TMEM117: variants seen among roughly 807,000 people sequenced by gnomAD.
TMEM117 encodes the protein transmembrane protein 117.
TMEM117 carries 27 observed loss-of-function variants against 52.4 expected under a neutral mutation model. That is an observed-to-expected ratio of 0.51 (90% CI 0.38 to 0.71). The LOEUF (loss-of-function observed/expected upper bound fraction) is 0.71. TMEM117 is among the 30% of genes least tolerant of loss of function. The probability of loss-of-function intolerance (pLI) is 0.00; values close to 1 mark genes in which losing one functional copy is unlikely to be tolerated. For missense variants in TMEM117, 556 were observed against 630.5 expected, an observed-to-expected ratio of 0.88 and a Z score of 1.26; for synonymous variants, 215 against 206.3, an observed-to-expected ratio of 1.04 and a Z score of -0.36.
intron 4 of TMEM117, among the ~76,000 whole-genome samples, chr12:44,178,260 T>C (rs542629815): frequency 4.6e-5 from 7 of 152,344 alleles, no homozygotes; most frequent in Admixed American, 2.0e-4. Flanking sequence ...CAACTAAACT[T>C]TGTCATATAA....
the TMEM117 span, among the ~76,000 whole-genome samples, chr12:43,814,808 T>C: frequency 6.9e-6 from 1 of 145,788 alleles, no homozygotes; most frequent in South Asian, 2.2e-4. Flanking sequence ...GGAATGGCAC[T>C]ATCTTGGCTC....
the TMEM117 span, among the ~76,000 whole-genome samples, chr12:43,814,624 G>C: frequency 6.6e-6 from 1 of 151,948 alleles, no homozygotes; most frequent in Non-Finnish European, 1.5e-5. Flanking sequence ...AACATTTATT[G>C]AGCACTGCAG....
rs532378204 is a variant in TMEM117 at position 43,945,414 on chromosome 12, G to A, written c.410+1072G>A. Among the ~76,000 whole-genome samples the A allele has an allele frequency of 5.9e-5, 9 of 152,174 alleles. No homozygotes were observed. The South Asian group carries it at 8.3e-4, about 14-fold the overall frequency. ...TCACTCACTGCAACCTCTGCCTCCC[G>A]GGTTCCAGCAATTCTCCTTCCTCAG... On this transcript the variant is annotated intron_variant, in intron 3 of 7. Coordinates refer to ENST00000266534, the MANE Select transcript of TMEM117 (RefSeq NM_032256.3).
intron 5 of TMEM117, among the ~76,000 whole-genome samples, chr12:44,283,328 C>T (rs1002168556): frequency 6.6e-6 from 1 of 152,158 alleles, no homozygotes; most frequent in East Asian, 1.9e-4. Context: ...GGAAAAGCCA[C>T]AAACACTGAA....
chr12:44,368,854 G>A (rs894919291), intron 6 of TMEM117, among the ~76,000 whole-genome samples: 17 of 151,976 alleles, frequency 1.1e-4, no homozygotes, highest in South Asian at 6.2e-4. Context: ...GGAGGAACAT[G>A]CATTTGAGTA....
upstream of TMEM117, among the ~76,000 whole-genome samples, chr12:43,831,690 C>T (rs1592291890): frequency 6.6e-6 from 1 of 151,936 alleles, no homozygotes; most frequent in South Asian, 2.1e-4. Context: ...ACTATAGGTG[C>T]GCACCACCAC....
At position 44,388,490 on chromosome 12, in the gene TMEM117, G is replaced by T. The variant is rs1409546497; in HGVS notation, c.1363G>T (p.Ala455Ser). The T allele has an allele frequency of 6.2e-7, 1 of 1,613,320 alleles. No individual in the cohort carries two copies. The highest frequency in any genetic ancestry group is 1.3e-5 in the African/African-American group (1 of 74,880). The change falls in exon 8 of 8, where the codon GCT (alanine) becomes TCT (serine). Residue 455 changes from alanine to serine, a missense_variant. This residue lies in a region of TMEM117 where 206 missense variants were observed against 211.1 expected (regional missense o/e 0.98). Coordinates refer to ENST00000266534, the MANE Select transcript of TMEM117 (RefSeq NM_032256.3). ...GGGAATCACTCGAGAAAACACCCAGGCTTCAGTAGAAGACCCCTTGAATGA... is the reference window on the plus strand; with the variant it reads ...GGGAATCACTCGAGAAAACACCCAGTCTTCAGTAGAAGACCCCTTGAATGA... Reference protein sequence around the residue: ...DMGITRENTQASVEDPLNDPS... With the variant: ...DMGITRENTQSSVEDPLNDPS...
intron 3 of TMEM117, among the ~76,000 whole-genome samples, chr12:44,008,335 G>A (rs1429706760): frequency 1.3e-5 from 2 of 152,112 alleles, no homozygotes; most frequent in African/African-American, 4.8e-5. Context: ...TAGATGACTG[G>A]GGCTGGGGAA....
intron 3 of TMEM117, among the ~76,000 whole-genome samples, chr12:44,107,848 T>G (rs1220489973): frequency 6.6e-6 from 1 of 152,166 alleles, no homozygotes; most frequent in African/African-American, 2.4e-5. Flanking sequence ...GTTTTCATAT[T>G]CTGGAAAAGT....
At chr12:44,237,165 C>T (rs1950007100) in intron 5 of TMEM117, among the ~76,000 whole-genome samples, 1 of 151,938 alleles carries the variant, frequency 6.6e-6, no homozygotes. Context: ...TGATCTGTTT[C>T]CTAGTTCCCC....
intron 3 of TMEM117, among the ~76,000 whole-genome samples, chr12:44,118,362 A>G (rs1948179917): frequency 6.6e-6 from 1 of 152,220 alleles, no homozygotes; most frequent in South Asian, 2.1e-4. Flanking sequence ...TAGAAGAGGT[A>G]GAAATCCATT....
intron 5 of TMEM117, among the ~76,000 whole-genome samples, chr12:44,282,168 C>T (rs758226964): frequency 1.5e-4 from 23 of 152,206 alleles, no homozygotes; most frequent in Non-Finnish European, 2.9e-4. Context: ...ATTCTGAGGC[C>T]TCCCTAGCCA....
intron 3 of TMEM117, among the ~76,000 whole-genome samples, chr12:44,040,448 T>G (rs1431152798): frequency 2.0e-5 from 3 of 152,118 alleles, no homozygotes; most frequent in Non-Finnish European, 4.4e-5. Flanking sequence ...AACAATTTCT[T>G]CTTGATTTAT....
At chr12:43,838,828 C>T (rs977904197) in intron 1 of TMEM117, among the ~76,000 whole-genome samples, 6 of 151,950 alleles carry the variant, frequency 3.9e-5, no homozygotes, top group Admixed American at 3.3e-4. Flanking sequence ...CTCTGAATTT[C>T]TGTTTCTTCA....
chr12:44,257,324 ACT>A (rs987018052), intron 5 of TMEM117, among the ~76,000 whole-genome samples: 1 of 150,648 alleles, frequency 6.6e-6, no homozygotes, highest in African/African-American at 2.4e-5. Context: ...TGACACGTTG[ACT>A]CTCTCTCTAT....
rs74084436 is a variant in TMEM117 at position 44,231,763 on chromosome 12, C to T, written c.608+20376C>T. Among the ~76,000 whole-genome samples the T allele has an allele frequency of 3.6e-3, 543 of 151,816 alleles. 4 individuals are homozygous for T. The highest frequency in any genetic ancestry group is 0.012 in the African/African-American group (502 of 41,516). ...GTTTCTGAAGTGCCTGTTCAAGTTT[C>T]TTGCCCATGTTTCCATTGGTTTATA... On this transcript the variant is annotated intron_variant, in intron 5 of 7. Coordinates refer to ENST00000266534, the MANE Select transcript of TMEM117 (RefSeq NM_032256.3).
At chr12:43,848,994 C>T (rs749200001) in intron 2 of TMEM117, among the ~76,000 whole-genome samples, 1 of 152,088 alleles carries the variant, frequency 6.6e-6, no homozygotes, top group Non-Finnish European at 1.5e-5. Flanking sequence ...CATGTTGTAA[C>T]AGAAGTAAAC....
intron 7 of TMEM117, among the ~76,000 whole-genome samples, chr12:44,378,108 G>A (rs145846552): frequency 2.0e-5 from 3 of 152,036 alleles, no homozygotes; most frequent in Non-Finnish European, 4.4e-5. Flanking sequence ...ATCCCTTTGG[G>A]GGGGGCTTTT....
At position 44,098,238 on chromosome 12, in the gene TMEM117, C is replaced by T. The variant is rs1185570280; in HGVS notation, c.411-45287C>T. On this transcript the variant is annotated intron_variant, in intron 3 of 7. Coordinates refer to ENST00000266534, the MANE Select transcript of TMEM117 (RefSeq NM_032256.3). The stretch of plus-strand genomic sequence containing the variant: ...GTGATGAACAAGACAGGCAATGTCC[C>T]TGACCCCTCAGAGGTCTTACAGTCA... Among the ~76,000 whole-genome samples, 6 of 152,056 alleles carry T rather than the reference C, an allele frequency of 3.9e-5. No individual in the cohort carries two copies. In the East Asian group the frequency reaches 1.2e-3, roughly 29 times the overall value.
Sources: gnomAD v4.1 joint callset for allele counts (sites outside exome capture counted in the v4.1 genomes callset) on GRCh38, gnomAD v4.1.1 for gene constraint, gnomAD v4.1.1 regional missense constraint, MANE v1.5 for transcripts, NCBI Gene and HGNC (gene_info 2026-07-23, HGNC 2026-07-21) for gene names.